Variants in GPC6 observed in about 807,000 individuals in gnomAD.
GPC6 encodes the protein glypican 6.
In GPC6, 14 loss-of-function variants were observed where a neutral mutation model predicts 55.2. The observed-to-expected ratio is 0.25, with a 90% CI of 0.17 to 0.40. The LOEUF (loss-of-function observed/expected upper bound fraction) is 0.40, where lower values mean the gene tolerates loss of function less well. Ranked by LOEUF, GPC6 falls within the 10% of genes least tolerant of loss-of-function variation. The pLI is 1.00. For synonymous variants in GPC6, 278 were observed against 259.6 expected (o/e 1.07, Z -0.68); for missense variants, 641 against 708.5 (o/e 0.90, Z 1.08).
intron 4 of GPC6, among the ~76,000 whole-genome samples, chr13:94,159,075 A>G (rs138874430): frequency 1.3e-3 from 194 of 152,196 alleles, no homozygotes; most frequent in African/African-American, 4.6e-3. Flanking sequence ...ATGCTGATAT[A>G]CACATACCTA....
At chr13:93,920,716 G>A (rs1438166135) in intron 3 of GPC6, among the ~76,000 whole-genome samples, 1 of 152,106 alleles carries the variant, frequency 6.6e-6, no homozygotes, top group African/African-American at 2.4e-5. Flanking sequence ...CAGCCCCCTA[G>A]TTCAAGCTCC....
At chr13:93,691,158 C>A (rs1882242387) in intron 2 of GPC6, among the ~76,000 whole-genome samples, 2 of 152,086 alleles carry the variant, frequency 1.3e-5, no homozygotes, top group African/African-American at 4.8e-5. Context: ...AATAAGAACA[C>A]AAGTAATTTA....
chr13:93,223,019 C>CTTTTTTTTTTTTTTTTTTTTTTTT (rs3073915), upstream of GPC6, among the ~76,000 whole-genome samples: 4 of 100,814 alleles, frequency 4.0e-5, no homozygotes, highest in African/African-American at 1.1e-4. Flanking sequence ...AGGGAAAACA[C>CTTTTTTTTTTTTTTTTTTTTTTTT]TTTTTTTTTT....
At chr13:94,163,266 T>C (rs1412841263) in intron 4 of GPC6, among the ~76,000 whole-genome samples, 3 of 152,154 alleles carry the variant, frequency 2.0e-5, no homozygotes, top group Admixed American at 6.6e-5. Flanking sequence ...TTTCTTATTA[T>C]CCTGTTTTGA....
At chr13:93,834,891 G>C (rs185070259) in intron 3 of GPC6, among the ~76,000 whole-genome samples, 1 of 152,234 alleles carries the variant, frequency 6.6e-6, no homozygotes, top group East Asian at 1.9e-4. Context: ...TGACAGAATG[G>C]ATTCAGACTA....
At chr13:93,313,383 G>A (rs1016833929) in intron 1 of GPC6, among the ~76,000 whole-genome samples, 3 of 152,062 alleles carry the variant, frequency 2.0e-5, no homozygotes, top group African/African-American at 7.2e-5. Flanking sequence ...GAAGTAAGGT[G>A]GAAACATTTT....
chr13:93,572,737 A>G (rs1377417322), intron 2 of GPC6, among the ~76,000 whole-genome samples: 1 of 152,128 alleles, frequency 6.6e-6, no homozygotes, highest in Non-Finnish European at 1.5e-5. Context: ...CACAGAACGA[A>G]CCTTTAGATC....
At chr13:94,046,037 C>T (rs1883721236) in intron 4 of GPC6, among the ~76,000 whole-genome samples, 1 of 151,920 alleles carries the variant, frequency 6.6e-6, no homozygotes, top group Non-Finnish European at 1.5e-5. Context: ...ATTTGGCTCA[C>T]ACAAAGTCCA....
chr13:93,922,333 G>A (rs1470120263), intron 3 of GPC6, among the ~76,000 whole-genome samples: 1 of 152,136 alleles, frequency 6.6e-6, no homozygotes, highest in African/African-American at 2.4e-5. Context: ...AACATAAATA[G>A]CAAGATTCAA....
intron 1 of GPC6, among the ~76,000 whole-genome samples, chr13:93,266,208 C>A (rs1008052599): frequency 6.6e-6 from 1 of 152,168 alleles, no homozygotes; most frequent in Admixed American, 6.5e-5. Flanking sequence ...TAATGCATTA[C>A]AGATTAATTT....
At chr13:93,783,500 T>C (rs1048369502) in intron 2 of GPC6, among the ~76,000 whole-genome samples, 7 of 152,174 alleles carry the variant, frequency 4.6e-5, no homozygotes, top group Non-Finnish European at 1.0e-4. Flanking sequence ...CTGTTGTTTC[T>C]TGACTTTTTA....
At chr13:93,219,367 C>G in the GPC6 span, among the ~76,000 whole-genome samples, 1 of 152,196 alleles carries the variant, frequency 6.6e-6, no homozygotes, top group African/African-American at 2.4e-5. Context: ...GTTGGGATTA[C>G]AGGCGTGAGC....
At chr13:93,995,064 T>C (rs1881475108) in intron 3 of GPC6, among the ~76,000 whole-genome samples, 1 of 152,204 alleles carries the variant, frequency 6.6e-6, no homozygotes, top group Non-Finnish European at 1.5e-5. Flanking sequence ...TTACTTATTT[T>C]TTAAAGTATT....
chr13:94,144,804 G>A (rs1313857504), intron 4 of GPC6, among the ~76,000 whole-genome samples: 4 of 152,004 alleles, frequency 2.6e-5, no homozygotes, highest in Admixed American at 6.6e-5. Flanking sequence ...CCTGGAATAA[G>A]AATAAAGAAT....
intron 4 of GPC6, among the ~76,000 whole-genome samples, chr13:94,141,585 T>A (rs1242626732): frequency 2.0e-5 from 3 of 152,152 alleles, no homozygotes; most frequent in Non-Finnish European, 4.4e-5. Flanking sequence ...GTTTTTCAGG[T>A]TTCTCTGGGG....
intron 4 of GPC6, among the ~76,000 whole-genome samples, chr13:94,171,052 G>A (rs999704751): frequency 1.3e-5 from 2 of 152,190 alleles, no homozygotes; most frequent in African/African-American, 4.8e-5. Context: ...TTAGCTGAGT[G>A]TTATTTCATT....
intron 1 of GPC6, among the ~76,000 whole-genome samples, chr13:93,449,489 T>C: frequency 7.0e-6 from 1 of 142,842 alleles, no homozygotes; most frequent in East Asian, 1.9e-4. Context: ...ACTCCATGGA[T>C]ACAAATAATA....
intron 4 of GPC6, among the ~76,000 whole-genome samples, chr13:94,049,363 T>C (rs1045210892): frequency 6.6e-6 from 1 of 152,068 alleles, no homozygotes; most frequent in Non-Finnish European, 1.5e-5. Flanking sequence ...TTCATAGTTA[T>C]GAGCAATGAT....
At chr13:93,768,941 T>C (rs1885207013) in intron 2 of GPC6, among the ~76,000 whole-genome samples, 1 of 152,152 alleles carries the variant, frequency 6.6e-6, no homozygotes, top group Non-Finnish European at 1.5e-5. Flanking sequence ...TTTTTCCTAC[T>C]TAACAAAAGT....
Sources: allele counts gnomAD v4.1 joint callset (sites outside exome capture counted in the v4.1 genomes callset), GRCh38; gene constraint gnomAD v4.1.1; transcripts MANE v1.5; gene names NCBI Gene and HGNC (gene_info 2026-07-23, HGNC 2026-07-21).